BICC1: variants seen among roughly 807,000 people sequenced by gnomAD.
BICC1 encodes BicC family RNA binding protein 1.
BICC1 carries 43 observed loss-of-function variants against 111.0 expected under a neutral mutation model. The ratio of observed to expected loss-of-function variants is 0.39; its 90% CI spans 0.30 to 0.50. The LOEUF is 0.50. Among genes scored for constraint, BICC1 ranks in the 20% least tolerant of loss-of-function variants. The pLI is 0.88. For missense variants in BICC1, 1,091 were observed against 1,203.2 expected (o/e 0.91, Z 1.38); for synonymous variants, 467 against 434.4 (o/e 1.07, Z -0.93).
intron 3 of BICC1, among the ~76,000 whole-genome samples, chr10:58,706,503 C>T (rs901441091): frequency 3.9e-5 from 6 of 152,126 alleles, no homozygotes; most frequent in Admixed American, 3.9e-4. Context: ...CTTAGACTGG[C>T]GAAGGTGAAC....
intron 1 of BICC1, among the ~76,000 whole-genome samples, chr10:58,527,124 C>G (rs1336208310): frequency 2.0e-5 from 3 of 152,230 alleles, no homozygotes; most frequent in Non-Finnish European, 2.9e-5. Context: ...GCCATTCTAA[C>G]TGGTGTGAGA....
At chr10:58,585,363 G>A (rs999423055) in intron 1 of BICC1, among the ~76,000 whole-genome samples, 1 of 152,072 alleles carries the variant, frequency 6.6e-6, no homozygotes, top group Non-Finnish European at 1.5e-5. Flanking sequence ...TCCTAAGGAC[G>A]GGTGCTATCA....
chr10:58,639,339 A>G (rs1468158853), intron 2 of BICC1, among the ~76,000 whole-genome samples: 1 of 152,036 alleles, frequency 6.6e-6, no homozygotes, highest in African/African-American at 2.4e-5. Flanking sequence ...TTATTTTCCT[A>G]AATTCCCCAG....
intron 3 of BICC1, among the ~76,000 whole-genome samples, chr10:58,721,738 TA>T (rs1341160091): frequency 6.6e-6 from 1 of 151,910 alleles, no homozygotes; most frequent in Non-Finnish European, 1.5e-5. Context: ...TCAGGAAAAA[TA>T]ATTTTCAGCA....
At chr10:58,740,210 C>T (rs906476305) in intron 3 of BICC1, among the ~76,000 whole-genome samples, 1 of 152,146 alleles carries the variant, frequency 6.6e-6, no homozygotes, top group African/African-American at 2.4e-5. Flanking sequence ...ATGACCAGTG[C>T]ATGGAAATAA....
rs1844522375 is a variant in BICC1, at chr10:58,830,450, C to CA, written c.*1560dup. On this transcript the variant is annotated 3_prime_UTR_variant, in exon 21 of 21. Coordinates refer to ENST00000373886, the MANE Select transcript of BICC1 (RefSeq NM_001080512.3). ...TTTCTACATGGACATAAACCACTCTCACGTGCTCTCAGCAGAAGGCATTAG... is the reference window on the plus strand; with the variant it reads ...TTTCTACATGGACATAAACCACTCTCAACGTGCTCTCAGCAGAAGGCATTAG... The CA allele has an allele frequency of 6.6e-6, 1 of 152,130 alleles. No individual in the cohort carries two copies. Among genetic ancestry groups the CA allele is most frequent in the Non-Finnish European group, 1.5e-5 (1 of 68,010 alleles). 9.4% of individuals were successfully genotyped at this position (152,130 alleles called of 1,614,324 possible).
intron 3 of BICC1, among the ~76,000 whole-genome samples, chr10:58,721,159 G>T (rs184668110): frequency 6.6e-5 from 10 of 152,312 alleles, no homozygotes; most frequent in Non-Finnish European, 1.3e-4. Flanking sequence ...CAATTCTGAA[G>T]CACATTATTT....
chr10:58,761,441 A>G (rs568931316), intron 3 of BICC1, among the ~76,000 whole-genome samples: 40 of 152,338 alleles, frequency 2.6e-4, no homozygotes, highest in African/African-American at 9.4e-4. Flanking sequence ...TTTAAAGGAA[A>G]TGGCAGAGAT....
At chr10:58,613,396 G>A (rs1433036973) in intron 1 of BICC1, among the ~76,000 whole-genome samples, 2 of 152,156 alleles carry the variant, frequency 1.3e-5, no homozygotes, top group Admixed American at 6.5e-5. Context: ...AGATTGCAAA[G>A]ACTCAATAGA....
rs906179183 is a variant in BICC1, at chr10:58,830,446, C to T, written c.*1555C>T. 9 of 152,162 alleles carry T rather than the reference C, an allele frequency of 5.9e-5. No individual in the cohort carries two copies. Among genetic ancestry groups the T allele is most frequent in the Non-Finnish European group, 8.8e-5 (6 of 68,012 alleles). 9.4% of individuals were successfully genotyped at this position (152,162 alleles called of 1,614,324 possible). On this transcript the variant is annotated 3_prime_UTR_variant, in exon 21 of 21. Coordinates refer to ENST00000373886, the MANE Select transcript of BICC1 (RefSeq NM_001080512.3). ...AGATTTTCTACATGGACATAAACCA[C>T]TCTCACGTGCTCTCAGCAGAAGGCA...
At chr10:58,819,045 G>T (rs865915374) in intron 19 of BICC1, among the ~76,000 whole-genome samples, 3 of 152,134 alleles carry the variant, frequency 2.0e-5, no homozygotes, top group Non-Finnish European at 4.4e-5. Context: ...TACAGCAGGG[G>T]TCAGCAAACT....
intron 1 of BICC1, among the ~76,000 whole-genome samples, chr10:58,541,693 T>G (rs2131885069): frequency 6.6e-6 from 1 of 151,280 alleles, no homozygotes; most frequent in African/African-American, 2.4e-5. Flanking sequence ...TTTGCAGAAA[T>G]AGAAAAAAAA....
At chr10:58,763,787 G>A (rs1394895946) in intron 3 of BICC1, among the ~76,000 whole-genome samples, 3 of 151,956 alleles carry the variant, frequency 2.0e-5, no homozygotes, top group East Asian at 1.9e-4. Flanking sequence ...TTTACTAGGC[G>A]TTTGAGACTA....
intron 1 of BICC1, among the ~76,000 whole-genome samples, chr10:58,585,825 C>T (rs1274288093): frequency 6.6e-6 from 1 of 151,994 alleles, no homozygotes; most frequent in East Asian, 1.9e-4. Flanking sequence ...TATTATTCTC[C>T]CAATGTGTGA....
chr10:58,737,731 A>C (rs1343934583), intron 3 of BICC1, among the ~76,000 whole-genome samples: 1 of 151,916 alleles, frequency 6.6e-6, no homozygotes, highest in Admixed American at 6.6e-5. Context: ...CTATTTCTCC[A>C]CATCCTCCCC....
chr10:58,704,829 T>C (rs561908166), intron 3 of BICC1, among the ~76,000 whole-genome samples: 1 of 152,328 alleles, frequency 6.6e-6, no homozygotes, highest in Non-Finnish European at 1.5e-5. Flanking sequence ...CATTTCACTT[T>C]GGAGTTTCTA....
At chr10:58,631,342 G>GT (rs1441063064) in intron 2 of BICC1, among the ~76,000 whole-genome samples, 1 of 151,968 alleles carries the variant, frequency 6.6e-6, no homozygotes, top group Non-Finnish European at 1.5e-5. Flanking sequence ...CATTTTATAT[G>GT]TTTAACAGTT....
chr10:58,529,679 CTT>C (rs1250724494), intron 1 of BICC1, among the ~76,000 whole-genome samples: 1 of 151,576 alleles, frequency 6.6e-6, no homozygotes, highest in Non-Finnish European at 1.5e-5. Flanking sequence ...TTAATTAGAA[CTT>C]TTTATATGGG....
intron 2 of BICC1, among the ~76,000 whole-genome samples, chr10:58,647,613 C>T (rs186855960): frequency 6.6e-6 from 1 of 152,192 alleles, no homozygotes; most frequent in Admixed American, 6.5e-5. Context: ...TCACGATAAC[C>T]TGTGTCTTTT....
Sources: allele counts gnomAD v4.1 joint callset (sites outside exome capture counted in the v4.1 genomes callset), GRCh38; gene constraint gnomAD v4.1.1; transcripts MANE v1.5; gene names NCBI Gene and HGNC (gene_info 2026-07-23, HGNC 2026-07-21).